The following RBFOX2 variants were observed in gnomAD, a reference collection of about 807,000 sequenced individuals.
RBFOX2 encodes the protein RNA binding protein fox-1 homolog 2.
RBFOX2 carries 10 observed loss-of-function variants against 49.1 expected under a neutral mutation model. The observed-to-expected ratio is 0.20, with a 90% CI of 0.13 to 0.35. The LOEUF is 0.35. Among genes scored for constraint, RBFOX2 ranks in the 10% least tolerant of loss-of-function variants. The pLI is 1.00. For synonymous variants in RBFOX2, 183 were observed against 187.4 expected, an observed-to-expected ratio of 0.98 and a Z score of 0.19; for missense variants, 323 against 486.9, an observed-to-expected ratio of 0.66 and a Z score of 3.17.
At chr22:35,805,083 C>A (rs1265783972) in intron 2 of RBFOX2, among the ~76,000 whole-genome samples, 2 of 151,766 alleles carry the variant, frequency 1.3e-5, no homozygotes, top group Admixed American at 1.3e-4. Context: ...GTCAGGAGAT[C>A]GAGACCATCC....
chr22:35,844,660 G>GT (rs557706176), upstream of RBFOX2, among the ~76,000 whole-genome samples: 1,201 of 114,098 alleles, frequency 0.011, 5 homozygotes, highest in Admixed American at 0.015. Flanking sequence ...ATGCCCGGCA[G>GT]TTTTTTTTTT....
At chr22:35,917,250 G>A (rs1243630144) in intron 1 of RBFOX2, among the ~76,000 whole-genome samples, 1 of 152,206 alleles carries the variant, frequency 6.6e-6, no homozygotes, top group Non-Finnish European at 1.5e-5. Flanking sequence ...TACTGAAAGG[G>A]GTCTCAGTAT....
intron 1 of RBFOX2, among the ~76,000 whole-genome samples, chr22:36,014,223 G>A (rs1475105562): frequency 6.6e-6 from 1 of 151,634 alleles, no homozygotes; most frequent in Non-Finnish European, 1.5e-5. Flanking sequence ...CTGGGTTCAC[G>A]CCATTCTCCT....
At chr22:35,992,725 T>C (rs2058034216) in intron 1 of RBFOX2, 2 of 152,204 alleles carry the variant, frequency 1.3e-5, no homozygotes, top group African/African-American at 4.8e-5. Context: ...TCTTGCCTCT[T>C]GCTTCAGTAT....
chr22:35,752,353 C>T (rs1200720144), intron 9 of RBFOX2, among the ~76,000 whole-genome samples: 4 of 152,176 alleles, frequency 2.6e-5, no homozygotes, highest in Non-Finnish European at 5.9e-5. Context: ...AGTGATGGGA[C>T]AGTGCATATT....
chr22:35,847,643 C>G (rs1021958502), intron 1 of RBFOX2, among the ~76,000 whole-genome samples: 1 of 151,920 alleles, frequency 6.6e-6, no homozygotes, highest in African/African-American at 2.4e-5. Context: ...TGGGATCCTT[C>G]AATTTAAAAT....
chr22:35,938,894 C>T (rs868689309), exon 1 of RBFOX2: 2 of 1,613,468 alleles, frequency 1.2e-6, no homozygotes, highest in Non-Finnish European at 1.7e-6. Flanking sequence ...GTCAGAGGCT[C>T]GTTCTATGAG....
At chr22:36,026,551 C>G (rs980493164) in intron 1 of RBFOX2, among the ~76,000 whole-genome samples, 1 of 151,614 alleles carries the variant, frequency 6.6e-6, no homozygotes. Flanking sequence ...TACACACACA[C>G]ACACACACAC....
intron 1 of RBFOX2, among the ~76,000 whole-genome samples, chr22:35,933,945 T>TAC (rs1383494828): frequency 1.5e-5 from 2 of 137,730 alleles, no homozygotes; most frequent in African/African-American, 5.6e-5. Flanking sequence ...TATATATATA[T>TAC]ATATATATAC....
chr22:35,890,094 C>A (rs2047063031), intron 1 of RBFOX2, among the ~76,000 whole-genome samples: 1 of 152,158 alleles, frequency 6.6e-6, no homozygotes, highest in Non-Finnish European at 1.5e-5. Context: ...TCTAAAATGA[C>A]TGATATGCAT....
At chr22:35,950,956 T>C (rs945847258) in intron 1 of RBFOX2, among the ~76,000 whole-genome samples, 2 of 149,054 alleles carry the variant, frequency 1.3e-5, no homozygotes, top group Non-Finnish European at 3.0e-5. Context: ...AAGAATTCTT[T>C]TTTTTTTTTT....
intron 1 of RBFOX2, among the ~76,000 whole-genome samples, chr22:35,947,452 T>TA (rs951058777): frequency 4.5e-4 from 66 of 146,894 alleles, no homozygotes; most frequent in Middle Eastern, 3.5e-3. Context: ...TCTACTTATG[T>TA]AAAAAAAAAA....
At chr22:35,996,355 TGTAATCCCA>T (rs2058190870) in intron 1 of RBFOX2, 1 of 152,252 alleles carries the variant, frequency 6.6e-6, no homozygotes, top group African/African-American at 2.4e-5. Flanking sequence ...GGCTTATATC[TGTAATCCCA>T]GCACTTTGAG....
intron 1 of RBFOX2, among the ~76,000 whole-genome samples, chr22:35,887,124 AAACATGACCAGAAAGAGATAGTTGTTT>A (rs1451171901): frequency 6.6e-6 from 1 of 152,258 alleles, no homozygotes; most frequent in African/African-American, 2.4e-5. Context: ...TTCTGATTTG[AAACATGACCAGAAAGAGATAGTTGTTT>A]AACATTAAAT....
At chr22:35,894,792 C>T (rs1396616040) in intron 1 of RBFOX2, among the ~76,000 whole-genome samples, 1 of 152,058 alleles carries the variant, frequency 6.6e-6, no homozygotes, top group African/African-American at 2.4e-5. Flanking sequence ...CAAACCCTCA[C>T]CCACAGCACT....
chr22:35,824,581 C>T (rs1199779616), intron 1 of RBFOX2, among the ~76,000 whole-genome samples: 4 of 152,156 alleles, frequency 2.6e-5, no homozygotes, highest in Admixed American at 2.6e-4. Flanking sequence ...AAGTAGTCAT[C>T]AGAAATGCTA....
intron 1 of RBFOX2, among the ~76,000 whole-genome samples, chr22:35,926,411 T>C (rs1239102014): frequency 3.3e-5 from 5 of 152,240 alleles, no homozygotes; most frequent in African/African-American, 9.6e-5. Context: ...ATAATTCTTT[T>C]TGATGGTCAC....
chr22:35,932,331 A>G (rs2052525160), intron 1 of RBFOX2, among the ~76,000 whole-genome samples: 1 of 152,216 alleles, frequency 6.6e-6, no homozygotes. Flanking sequence ...AAAGAAAAAA[A>G]AAATCTTGAG....
chr22:35,796,093 C>T (rs1327509953), intron 2 of RBFOX2, among the ~76,000 whole-genome samples: 4 of 152,198 alleles, frequency 2.6e-5, no homozygotes, highest in African/African-American at 7.2e-5. Flanking sequence ...CCCACCTCAG[C>T]CTCCCTAAGT....
Sources: allele counts gnomAD v4.1 joint callset (sites outside exome capture counted in the v4.1 genomes callset), GRCh38; gene constraint gnomAD v4.1.1; transcripts MANE v1.5; gene names NCBI Gene and HGNC (gene_info 2026-07-23, HGNC 2026-07-21).